The following NAGA variants were observed in gnomAD, a reference collection of about 807,000 sequenced individuals.
NAGA encodes the protein alpha-N-acetylgalactosaminidase.
In NAGA, 42 loss-of-function variants were observed where a neutral mutation model predicts 45.6. That is an observed-to-expected ratio of 0.92 (90% CI 0.72 to 1.19). NAGA has a LOEUF of 1.19. Ranked by LOEUF, NAGA falls within the 50% of genes most tolerant of loss-of-function variation. The pLI, the probability that NAGA is intolerant of heterozygous loss-of-function variation, is 0.00. For missense variants in NAGA, 493 were observed against 544.8 expected (o/e 0.90, Z 0.95); for synonymous variants, 176 against 203.1 (o/e 0.87, Z 1.13).
chr22:42,060,371 C>T lies in NAGA; in HGVS notation c.1144G>A (p.Asp382Asn). 1 of 1,613,766 alleles carries T rather than the reference C, an allele frequency of 6.2e-7. No individual in the cohort carries two copies. The highest frequency in any genetic ancestry group is 1.1e-5 in the South Asian group (1 of 91,054). Reference protein sequence around the residue: ...YSGDIISGLRDETNFTVIINP... With the variant: ...YSGDIISGLRNETNFTVIINP... ...ATGATCACTGTGAAGTTGGTTTCAT[C>T]TCGGAGGCCACTGATGATGTCACCT... Residue 382 changes from aspartate to asparagine, a missense_variant, in exon 9 of 9, where the codon GAT becomes AAT. Physicochemically the swap from Asp to Asn is conservative, Grantham distance 23 (BLOSUM62 1). Coordinates refer to ENST00000396398, the MANE Select transcript of NAGA (RefSeq NM_000262.3).
At chr22:42,069,607 G>A in intron 1 of NAGA, among the ~76,000 whole-genome samples, 1 of 130,604 alleles carries the variant, frequency 7.7e-6, no homozygotes. Context: ...GTGACAGAGT[G>A]AGACTCCGTC....
intron 7 of NAGA, among the ~76,000 whole-genome samples, chr22:42,062,289 C>T (rs1926451581): frequency 6.6e-6 from 1 of 152,008 alleles, no homozygotes; most frequent in African/African-American, 2.4e-5. Context: ...GCCTGGCCAA[C>T]ATGGTGTCTC....
intron 8 of NAGA, 34 bp from the exon 9 acceptor site, chr22:42,060,447 T>A (rs1312015480): frequency 4.3e-6 from 7 of 1,611,018 alleles, no homozygotes; most frequent in Middle Eastern, 2.1e-4. Flanking sequence ...AATGCCACCA[T>A]GAGAGTGGCG....
chr22:42,067,350 C>T, intron 3 of NAGA, 60 bp from the exon 4 acceptor site: 1 of 1,597,696 alleles, frequency 6.3e-7, no homozygotes, highest in Admixed American at 1.7e-5. Flanking sequence ...CTCCTCAAGG[C>T]ATATCTGACC....
intron 7 of NAGA, among the ~76,000 whole-genome samples, chr22:42,062,080 AG>A (rs1926437793): frequency 6.6e-6 from 1 of 152,198 alleles, no homozygotes; most frequent in South Asian, 2.1e-4. Flanking sequence ...TAAAATGGCA[AG>A]ATAACTACCT....
chr22:42,060,510 G>A, intron 8 of NAGA, 97 bp from the exon 9 acceptor site: 1 of 1,551,076 alleles, frequency 6.4e-7, no homozygotes, highest in Non-Finnish European at 8.8e-7. Context: ...CTGGACTTTG[G>A]CCTGTCTGTG....
intron 2 of NAGA, 82 bp from the exon 3 acceptor site, chr22:42,068,018 T>A: frequency 7.4e-7 from 1 of 1,348,616 alleles, no homozygotes; most frequent in Non-Finnish European, 1.1e-6. Context: ...TGATTGAATC[T>A]GGGCTATAAA....
chr22:42,066,888 G>T, intron 4 of NAGA, 84 bp from the exon 5 acceptor site: 1 of 1,464,864 alleles, frequency 6.8e-7, no homozygotes, highest in Non-Finnish European at 9.4e-7. Context: ...CCCAACAGAT[G>T]TGAAGAAACA....
In NAGA at chr22:42,062,925, G is replaced by C; in HGVS notation, c.859C>G (p.Arg287Gly). 1 of 1,614,162 alleles carries C rather than the reference G, an allele frequency of 6.2e-7. No individual in the cohort carries two copies. Among genetic ancestry groups the C allele is most frequent in the Non-Finnish European group, 8.5e-7 (1 of 1,180,014 alleles). ...AAPLLMSTDL[R>G]TISAQNMDIL... is the part of the protein sequence containing the mutation. ...TCCATGTTCTGGGCGGAGATGGTAC[G>C]CAGGTCTGTGGACATCAAGAGGGGG... Residue 287 changes from arginine to glycine, a missense_variant, in exon 7 of 9, where the codon CGT becomes GGT. By Grantham distance (125) the Arg-to-Gly change is moderately radical. Coordinates refer to ENST00000396398, the MANE Select transcript of NAGA (RefSeq NM_000262.3).
intron 7 of NAGA, 50 bp downstream of exon 7, chr22:42,062,777 G>A (rs377174956): frequency 1.8e-5 from 28 of 1,596,844 alleles, no homozygotes; most frequent in South Asian, 1.2e-4. Flanking sequence ...TTTCTCTCAG[G>A]AGAACCCAGT....
At chr22:42,065,952 C>T in intron 5 of NAGA, 53 bp from the exon 6 acceptor site, 1 of 1,597,354 alleles carries the variant, frequency 6.3e-7, no homozygotes, top group Non-Finnish European at 8.5e-7. Flanking sequence ...CGCTGCAGCC[C>T]AGGGACCCAC....
chr22:42,067,153 CT>C lies in NAGA; in HGVS notation c.461del (p.Lys154SerfsTer23). Reference sequence around the variant, plus strand: ...CGGGGGTGGAGAAGCAGCCATCCAGCTTGAGCATGTCTACCTTCCACTCGGC... The same window carrying C: ...CGGGGGTGGAGAAGCAGCCATCCAGCTGAGCATGTCTACCTTCCACTCGGC... Reference protein sequence around the residue: ...TFAEWKVDMLKLDGCFSTPEE... With the variant: ...TFAEWKVDMLXLDGCFSTPEE... On this transcript the variant is annotated frameshift_variant, in exon 4 of 9. Coordinates refer to ENST00000396398, the MANE Select transcript of NAGA (RefSeq NM_000262.3). LOFTEE classifies it high-confidence loss of function. 1 of 1,614,148 alleles carries C rather than the reference CT, an allele frequency of 6.2e-7. No homozygotes were observed. The highest frequency in any genetic ancestry group is 8.5e-7 in the Non-Finnish European group (1 of 1,180,004).
intron 7 of NAGA, among the ~76,000 whole-genome samples, chr22:42,061,451 A>G (rs1286855572): frequency 6.6e-6 from 1 of 152,224 alleles, no homozygotes; most frequent in Non-Finnish European, 1.5e-5. Flanking sequence ...GGTGCTGTCC[A>G]GTGGGAACAG....
At chr22:42,068,046 G>T in intron 2 of NAGA, 110 bp from the exon 3 acceptor site, 1 of 1,061,872 alleles carries the variant, frequency 9.4e-7, no homozygotes, top group Non-Finnish European at 1.5e-6. Context: ...ACCTTGCTGA[G>T]CCCTAAGCCA....
Position 42,065,926 on chromosome 22 carries a change from C to T in NAGA, c.598-27G>A, listed in dbSNP as rs772827082. On this transcript the variant is annotated intron_variant, in intron 5 of 8. Transcript: ENST00000396398. ...TGGATGTCGAGGGGAAGGCAGAGTC[C>T]AGCACCAGAATCACACGCTGCAGCC... 14 of 1,612,296 alleles carry T rather than the reference C, an allele frequency of 8.7e-6. No individual in the cohort carries two copies. The South Asian group carries it at 1.1e-4, about 13-fold the overall frequency.
chr22:42,058,831 C>T lies in NAGA; in HGVS notation c.*1448G>A, dbSNP rs1448223637. On this transcript the variant is annotated 3_prime_UTR_variant, in exon 9 of 9. Coordinates refer to ENST00000396398, the MANE Select transcript of NAGA (RefSeq NM_000262.3). ...GCCTGAACAGCACTATGAACAAGAC[C>T]CAAAGGCAGAGCTATGCACGGAGGG... 1 of 152,256 alleles carries T rather than the reference C, an allele frequency of 6.6e-6. No homozygotes were observed. Among genetic ancestry groups the T allele is most frequent in the African/African-American group, 2.4e-5 (1 of 41,436 alleles). 9.4% of individuals were successfully genotyped at this position (152,256 alleles called of 1,614,324 possible).
rs1195732171 is a variant in NAGA, at chr22:42,059,938, C to T, written c.*341G>A. On this transcript the variant is annotated 3_prime_UTR_variant, in exon 9 of 9. Transcript: ENST00000396398. ...TCTCTACTCCTAATTCGAAAACTTC[C>T]AAATCCTGATTTCAGAGTCAACAGC... 2 of 352,826 alleles carry T rather than the reference C, an allele frequency of 5.7e-6. No individual in the cohort carries two copies. Among genetic ancestry groups the T allele is most frequent in the East Asian group, 1.3e-4 (2 of 14,896 alleles). The allele number at this position is 352,826 out of a possible 1,614,324, so 21.9% of individuals were successfully genotyped here. A position where few individuals can be genotyped will look rare whatever the true frequency, so the allele number is the denominator to read the frequency against.
rs568719257 is a variant in NAGA, at chr22:42,062,717, G to C, written c.957+110C>G. The C allele has an allele frequency of 8.7e-6, 11 of 1,262,152 alleles. No homozygotes were observed. The East Asian group carries it at 2.6e-4, about 29-fold the overall frequency. The allele number at this position is 1,262,152 out of a possible 1,614,324, so 78.2% of individuals were successfully genotyped here. A position where few individuals can be genotyped will look rare whatever the true frequency, so the allele number is the denominator to read the frequency against. On this transcript the variant is annotated intron_variant, in intron 7 of 8. Transcript: ENST00000396398. ...GAAGGGGTAGCCCTGGTTGGGGACT[G>C]GGCGACTCCTGTACCTCGCCAGGTG...
At chr22:42,063,049 C>A (rs1367318342) in intron 6 of NAGA, 25 bp from the exon 7 acceptor site, 7 of 1,607,304 alleles carry the variant, frequency 4.4e-6, no homozygotes, top group Non-Finnish European at 6.0e-6. Flanking sequence ...GAGGAGTAGT[C>A]AGCTCTCATC....
Sources: allele counts gnomAD v4.1 joint callset (sites outside exome capture counted in the v4.1 genomes callset), GRCh38; gene constraint gnomAD v4.1.1; transcripts MANE v1.5; gene names NCBI Gene and HGNC (gene_info 2026-07-23, HGNC 2026-07-21).